The following STAU2 variants were observed in gnomAD, a reference collection of about 807,000 sequenced individuals.
The protein encoded by STAU2 is double-stranded RNA-binding protein Staufen homolog 2.
STAU2 carries 20 observed loss-of-function variants against 65.9 expected under a neutral mutation model. That is an observed-to-expected ratio of 0.30 (90% CI 0.21 to 0.44). STAU2 has a LOEUF of 0.44. STAU2 is among the 20% of genes least tolerant of loss of function. STAU2 has a pLI of 1.00. For missense variants in STAU2, 558 were observed against 683.9 expected, an observed-to-expected ratio of 0.82 and a Z score of 2.05; for synonymous variants, 232 against 233.9, an observed-to-expected ratio of 0.99 and a Z score of 0.07.
At chr8:73,428,300 C>T (rs1220555819) in intron 13 of STAU2, among the ~76,000 whole-genome samples, 4 of 152,056 alleles carry the variant, frequency 2.6e-5, no homozygotes, top group African/African-American at 9.7e-5. Context: ...GACATAATTT[C>T]TTCCTTTTTA....
At chr8:73,458,339 G>A (rs146761455) in intron 13 of STAU2, among the ~76,000 whole-genome samples, 1 of 152,176 alleles carries the variant, frequency 6.6e-6, no homozygotes, top group Non-Finnish European at 1.5e-5. Context: ...AAGAAATCCA[G>A]GAATCGTACT....
chr8:73,603,637 C>A, intron 10 of STAU2, 89 bp downstream of exon 10: 1 of 1,499,602 alleles, frequency 6.7e-7, no homozygotes, highest in Non-Finnish European at 8.9e-7. Context: ...ACTTTCTGCT[C>A]TTAAGTCCTA....
chr8:73,487,396 G>T (rs1307019164), intron 13 of STAU2, among the ~76,000 whole-genome samples: 1 of 152,108 alleles, frequency 6.6e-6, no homozygotes, highest in Admixed American at 6.6e-5. Context: ...AAATTAATAA[G>T]AAAGTGAAGA....
At chr8:73,606,682 T>C (rs1166756660) in intron 9 of STAU2, among the ~76,000 whole-genome samples, 1 of 152,188 alleles carries the variant, frequency 6.6e-6, no homozygotes, top group African/African-American at 2.4e-5. Context: ...AAACTAAAGT[T>C]GACTATATAC....
chr8:73,655,516 TAG>T (rs979002416), intron 6 of STAU2, among the ~76,000 whole-genome samples: 1 of 151,776 alleles, frequency 6.6e-6, no homozygotes, highest in African/African-American at 2.4e-5. Flanking sequence ...GCAACAAAAA[TAG>T]ATATATTAAT....
chr8:73,435,857 C>A (rs1317684124), intron 13 of STAU2, among the ~76,000 whole-genome samples: 4 of 151,818 alleles, frequency 2.6e-5, no homozygotes, highest in African/African-American at 9.7e-5. Flanking sequence ...TTGGTGGTGG[C>A]ACATCCTGAA....
chr8:73,599,792 G>A (rs9643672), intron 10 of STAU2, among the ~76,000 whole-genome samples: 85,611 of 150,948 alleles, frequency 0.57, 27,240 homozygotes, highest in East Asian at 0.74. Flanking sequence ...TTGAGACGGA[G>A]TCTCGCTCTG....
rs532446936 is a variant in STAU2, at chr8:73,457,925, G to A, written c.1531-35223C>T. Among the ~76,000 whole-genome samples, 13 of 152,306 alleles carry A rather than the reference G, an allele frequency of 8.5e-5. No individual in the cohort carries two copies. The South Asian group carries it at 2.3e-3, about 27-fold the overall frequency. On this transcript the variant is annotated intron_variant, in intron 13 of 14. Coordinates refer to ENST00000524300, the MANE Select transcript of STAU2 (RefSeq NM_001164380.2). ...TGTGGAGGTGAATGGGGTCTCAGGA[G>A]AGGGACCTAGGCACGGGGTTGGAGG...
chr8:73,513,953 G>A (rs2128925152), intron 13 of STAU2, among the ~76,000 whole-genome samples: 1 of 152,286 alleles, frequency 6.6e-6, no homozygotes, highest in Middle Eastern at 3.4e-3. Context: ...AGCTTACTTG[G>A]AGCACTATAG....
intron 13 of STAU2, among the ~76,000 whole-genome samples, chr8:73,467,339 T>A (rs1353132912): frequency 1.3e-5 from 2 of 152,170 alleles, no homozygotes. Context: ...AAGACCATCC[T>A]GGCTAACACG....
chr8:73,446,513 G>A (rs148832964), intron 13 of STAU2, among the ~76,000 whole-genome samples: 6 of 152,358 alleles, frequency 3.9e-5, no homozygotes, highest in East Asian at 1.9e-4. Context: ...TGCAGAGTAC[G>A]TGGGACCTCT....
chr8:73,654,637 CAAA>C (rs71269928), intron 6 of STAU2, among the ~76,000 whole-genome samples: 62 of 26,310 alleles, frequency 2.4e-3, no homozygotes, highest in South Asian at 6.8e-3. Context: ...AAGATTGTCT[CAAA>C]AAAAAAAAAA....
At chr8:73,660,747 C>T (rs903836044) in intron 6 of STAU2, among the ~76,000 whole-genome samples, 4 of 152,134 alleles carry the variant, frequency 2.6e-5, no homozygotes, top group East Asian at 3.9e-4. Flanking sequence ...TCCTGATATG[C>T]GCAGTTTTCT....
chr8:73,552,079 G>A lies in STAU2; in HGVS notation c.1463C>T (p.Thr488Ile). ...AGGTTGTACTGGAGAACAAGGGGGAGTAGGAGAACTTCCTTTTAAACCTAT... is the reference window on the plus strand; with the variant it reads ...AGGTTGTACTGGAGAACAAGGGGGAATAGGAGAACTTCCTTTTAAACCTAT... The part of the protein sequence containing the change: ...EAIGLKGSSP[T>I]PPCSPVQPSK... The change falls in exon 13 of 15, where the codon ACT becomes ATT. Residue 488 changes from threonine (T) to isoleucine (I), a missense_variant. Around this residue, in one of 3 missense-constraint regions of STAU2, gnomAD observed 247 missense variants for 270.1 expected, o/e 0.91. Transcript: ENST00000524300. 6.2e-7 allele frequency: 1 copy of A among 1,612,242 alleles called. No individual in the cohort carries two copies. The highest frequency in any genetic ancestry group is 8.5e-7 in the Non-Finnish European group (1 of 1,178,832).
At chr8:73,522,668 A>C (rs1823103738) in intron 13 of STAU2, among the ~76,000 whole-genome samples, 1 of 152,194 alleles carries the variant, frequency 6.6e-6, no homozygotes, top group African/African-American at 2.4e-5. Flanking sequence ...AATTGAACTA[A>C]TTTGAGTGTG....
chr8:73,475,059 A>G (rs894733134), intron 13 of STAU2, among the ~76,000 whole-genome samples: 3 of 152,200 alleles, frequency 2.0e-5, no homozygotes, highest in African/African-American at 4.8e-5. Flanking sequence ...AAGTACAAAA[A>G]CAAACACAAC....
intron 13 of STAU2, among the ~76,000 whole-genome samples, chr8:73,432,753 A>G (rs1817395726): frequency 6.6e-6 from 1 of 152,182 alleles, no homozygotes; most frequent in African/African-American, 2.4e-5. Flanking sequence ...TGCTTCCACG[A>G]TCCTATCAGT....
At chr8:73,676,357 T>C (rs1818027983) in intron 5 of STAU2, among the ~76,000 whole-genome samples, 1 of 152,204 alleles carries the variant, frequency 6.6e-6, no homozygotes, top group Non-Finnish European at 1.5e-5. Flanking sequence ...TGTCCATATA[T>C]TTTTTAAATG....
intron 13 of STAU2, among the ~76,000 whole-genome samples, chr8:73,469,562 G>A (rs572847719): frequency 1.2e-3 from 175 of 151,914 alleles, no homozygotes; most frequent in Non-Finnish European, 1.8e-3. Flanking sequence ...AGGCCTATTC[G>A]GCAAAAGAGA....
Sources: gnomAD v4.1 joint callset for allele counts (sites outside exome capture counted in the v4.1 genomes callset) on GRCh38, gnomAD v4.1.1 for gene constraint, gnomAD v4.1.1 regional missense constraint, MANE v1.5 for transcripts, NCBI Gene and HGNC (gene_info 2026-07-23, HGNC 2026-07-21) for gene names.